The following WSCD2 variants were observed in gnomAD, a reference collection of about 807,000 sequenced individuals.
WSCD2 encodes the protein WSC domain sialate O sulfotransferase 2.
In WSCD2, 28 loss-of-function variants were observed where a neutral mutation model predicts 55.7. That is an observed-to-expected ratio of 0.50 (90% CI 0.37 to 0.69). The LOEUF is 0.69. Among genes scored for constraint, WSCD2 ranks in the 30% least tolerant of loss-of-function variants. WSCD2 has a pLI of 0.00. For synonymous variants in WSCD2, 301 were observed against 301.9 expected (o/e 1.00, Z 0.03); for missense variants, 616 against 762.1 (o/e 0.81, Z 2.26).
chr12:108,182,554 C>T (rs1264493701), intron 1 of WSCD2, among the ~76,000 whole-genome samples: 2 of 152,150 alleles, frequency 1.3e-5, no homozygotes, highest in Non-Finnish European at 2.9e-5. Context: ...ACTTTGAGGG[C>T]TTCAGTATTT....
chr12:108,233,341 G>A (rs538955433), intron 7 of WSCD2, among the ~76,000 whole-genome samples: 3 of 152,284 alleles, frequency 2.0e-5, no homozygotes, highest in African/African-American at 4.8e-5. Flanking sequence ...CATTTAAGTC[G>A]ACAATATTCG....
At chr12:108,132,394 A>G (rs886870579) in intron 1 of WSCD2, among the ~76,000 whole-genome samples, 1 of 151,780 alleles carries the variant, frequency 6.6e-6, no homozygotes, top group Non-Finnish European at 1.5e-5. Flanking sequence ...GTGTGGGCTC[A>G]TGTGCTTGTG....
In WSCD2 at chr12:108,196,165, G is replaced by A; in HGVS notation, c.333G>A (p.Trp111Ter). The change falls in exon 2 of 9, where the codon TGG (tryptophan) becomes TGA (stop). Residue 111 changes from tryptophan (W) to a stop codon, truncating the protein, a stop_gained. Transcript: ENST00000547525. LOFTEE classifies it high-confidence loss of function. ...RAKLGDYGGA[W>*]SRALKGRVVR... is the part of the protein sequence containing the mutation. ...AGCTTGGCGACTACGGTGGAGCCTG[G>A]AGCCGAGCCCTCAAGGGGAGGGTTG... is the stretch of plus-strand genomic sequence containing the variant. 2 of 1,614,150 alleles carry A rather than the reference G, an allele frequency of 1.2e-6. No homozygotes were observed. Among genetic ancestry groups the A allele is most frequent in the Non-Finnish European group, 1.7e-6 (2 of 1,180,026 alleles).
At chr12:108,165,961 A>G (rs1220865147) in intron 1 of WSCD2, among the ~76,000 whole-genome samples, 1 of 152,212 alleles carries the variant, frequency 6.6e-6, no homozygotes, top group African/African-American at 2.4e-5. Flanking sequence ...GAGGTGTTGA[A>G]GCTCTATTAG....
intron 1 of WSCD2, chr12:108,167,610 C>T (rs1370196821): frequency 6.6e-6 from 1 of 152,216 alleles, no homozygotes; most frequent in East Asian, 1.9e-4. Flanking sequence ...TCAAACAAAG[C>T]TCATGAGATC....
rs574184676 is a variant in WSCD2 at position 108,213,179 on chromosome 12, C to G, written c.682+2874C>G. Among the ~76,000 whole-genome samples the G allele has an allele frequency of 4.6e-5, 7 of 152,302 alleles. No homozygotes were observed. In the South Asian group the frequency reaches 1.5e-3, roughly 32 times the overall value. On this transcript the variant is annotated intron_variant, in intron 4 of 8. Transcript: ENST00000547525. ...AAGCACAATGCCTGACCTCAAGGAGCTTTCCATCTCATGGGGCAACAGACC... is the reference window on the plus strand; with the variant it reads ...AAGCACAATGCCTGACCTCAAGGAGGTTTCCATCTCATGGGGCAACAGACC...
At chr12:108,144,978 A>G (rs1392783632) in intron 1 of WSCD2, among the ~76,000 whole-genome samples, 1 of 152,142 alleles carries the variant, frequency 6.6e-6, no homozygotes, top group East Asian at 1.9e-4. Flanking sequence ...AGGGCCTTGC[A>G]TTTCAAGGGA....
intron 1 of WSCD2, among the ~76,000 whole-genome samples, chr12:108,173,746 T>C (rs1382865691): frequency 6.6e-6 from 1 of 151,562 alleles, no homozygotes; most frequent in African/African-American, 2.4e-5. Flanking sequence ...GCACACACAG[T>C]CGGCCTTTAT....
chr12:108,240,604 G>A, intron 8 of WSCD2, 60 bp downstream of exon 8: 1 of 1,430,310 alleles, frequency 7.0e-7, no homozygotes, highest in Non-Finnish European at 9.5e-7. Flanking sequence ...GGGGGCGGTG[G>A]GAGGGTCCCG....
chr12:108,241,025 C>T (rs1889701775), intron 8 of WSCD2, among the ~76,000 whole-genome samples: 1 of 152,186 alleles, frequency 6.6e-6, no homozygotes, highest in South Asian at 2.1e-4. Flanking sequence ...TAAAGAGCCC[C>T]ACCCTGGGAG....
chr12:108,245,845 A>G (rs904649570), intron 8 of WSCD2, among the ~76,000 whole-genome samples: 2 of 152,232 alleles, frequency 1.3e-5, no homozygotes, highest in African/African-American at 2.4e-5. Context: ...TAAATAATCT[A>G]TTTTAAGGAT....
intron 1 of WSCD2, among the ~76,000 whole-genome samples, chr12:108,187,128 G>A (rs1039819273): frequency 6.6e-6 from 1 of 152,180 alleles, no homozygotes; most frequent in Non-Finnish European, 1.5e-5. Flanking sequence ...GGCCAAGAAT[G>A]GATTGACCAG....
chr12:108,170,418 G>A (rs908577240), intron 1 of WSCD2, among the ~76,000 whole-genome samples: 2 of 152,126 alleles, frequency 1.3e-5, no homozygotes, highest in African/African-American at 4.8e-5. Context: ...TGCTGCTGAT[G>A]ATGGCAGGGA....
chr12:108,192,175 C>T (rs1010100376), intron 1 of WSCD2, among the ~76,000 whole-genome samples: 8 of 152,286 alleles, frequency 5.3e-5, no homozygotes, highest in African/African-American at 1.9e-4. Context: ...CCTTGAGGGG[C>T]GGAGGTGGGG....
chr12:108,196,183 G>C lies in WSCD2; in HGVS notation c.351G>C (p.Gly117=). The change falls in exon 2 of 9, where the codon GGG becomes GGC. Residue 117 remains glycine (G), a synonymous_variant. Coordinates refer to ENST00000547525, the MANE Select transcript of WSCD2 (RefSeq NM_014653.4). ...YGGAWSRALK[G]RVVREKEEER... is the part of the protein sequence containing the mutation. ...GAGCCTGGAGCCGAGCCCTCAAGGG[G>C]AGGGTTGTCCGGGAGAAGGAGGAAG... 4 of 1,614,004 alleles carry C rather than the reference G, an allele frequency of 2.5e-6. No homozygotes were observed. The highest frequency in any genetic ancestry group is 3.4e-6 in the Non-Finnish European group (4 of 1,179,938).
chr12:108,130,426 A>G (rs1186954770), intron 1 of WSCD2, among the ~76,000 whole-genome samples: 1 of 151,458 alleles, frequency 6.6e-6, no homozygotes, highest in African/African-American at 2.4e-5. Context: ...CTGCCCAGGC[A>G]ATGGGCTTTG....
At chr12:108,236,919 G>A (rs534675089) in intron 7 of WSCD2, among the ~76,000 whole-genome samples, 18 of 152,128 alleles carry the variant, frequency 1.2e-4, no homozygotes, top group African/African-American at 3.6e-4. Context: ...CAAGCTCTGC[G>A]GTATGTGAGG....
intron 1 of WSCD2, among the ~76,000 whole-genome samples, chr12:108,144,588 T>A (rs1877197131): frequency 6.6e-6 from 1 of 152,150 alleles, no homozygotes; most frequent in Non-Finnish European, 1.5e-5. Flanking sequence ...TCACTTCACC[T>A]CTCTGAGTCT....
At chr12:108,187,260 T>C (rs1882621300) in intron 1 of WSCD2, among the ~76,000 whole-genome samples, 1 of 152,198 alleles carries the variant, frequency 6.6e-6, no homozygotes, top group Admixed American at 6.5e-5. Context: ...ACTAGACAGA[T>C]TCCTCAAAAT....
Sources: allele counts gnomAD v4.1 joint callset (sites outside exome capture counted in the v4.1 genomes callset), GRCh38; gene constraint gnomAD v4.1.1; transcripts MANE v1.5; gene names NCBI Gene and HGNC (gene_info 2026-07-23, HGNC 2026-07-21).